Variants in JARID2 observed in about 807,000 individuals in gnomAD.
JARID2 encodes the protein jumonji and AT-rich interaction domain containing 2.
Under a neutral mutation model 125.6 loss-of-function variants are expected in JARID2, and 21 were observed. The observed-to-expected ratio is 0.17, with a 90% CI of 0.12 to 0.24. JARID2 has a LOEUF of 0.24. JARID2 is among the 10% of genes least tolerant of loss of function. The probability of loss-of-function intolerance (pLI) is 1.00; values close to 1 mark genes in which losing one functional copy is unlikely to be tolerated. For missense variants in JARID2, 1,303 were observed against 1,639.6 expected (o/e 0.79, Z 3.55); for synonymous variants, 736 against 661.6 (o/e 1.11, Z -1.73).
rs754115920 is a variant in JARID2, at chr6:15,513,290, C to T, written c.3318C>T (p.Ser1106=). The T allele has an allele frequency of 6.3e-7, 1 of 1,596,716 alleles. No homozygotes were observed. Among genetic ancestry groups the T allele is most frequent in the Non-Finnish European group, 8.5e-7 (1 of 1,172,996 alleles). The change falls in exon 16 of 18, where the codon TCC becomes TCT. Residue 1106 remains serine (S), a synonymous_variant. Coordinates refer to ENST00000341776, the MANE Select transcript of JARID2 (RefSeq NM_004973.4). ...AGCTGTTCGAGGCTGGCCTCCACTC[C>T]TCCGCACGCTATGGCAGCCACGATG... ...RRQLFEAGLH[S]SARYGSHDGS... is the part of the protein sequence containing the mutation.
intron 5 of JARID2, among the ~76,000 whole-genome samples, chr6:15,469,290 GTCTCTCTGTCTCTGTC>G (rs749196281): frequency 0.06 from 4,557 of 76,586 alleles, 177 homozygotes; most frequent in Middle Eastern, 0.16. Flanking sequence ...CTCTGTCTCT[GTCTCTCTGTCTCTGTC>G]TCTCTCTCTC....
At position 15,496,875 on chromosome 6, in the gene JARID2, G is replaced by T. The variant is rs770149890; in HGVS notation, c.1650G>T (p.Gly550=). Reference sequence around the variant, plus strand: ...CCGAGAAGGGCGGCGGCAAGGCCGGGTGGGCGGCCATGGACGAGATCCCCG... The same window carrying T: ...CCGAGAAGGGCGGCGGCAAGGCCGGTTGGGCGGCCATGGACGAGATCCCCG... ...GKAEKGGGKA[G]WAAMDEIPVL... The change falls in exon 7 of 18, where the codon GGG becomes GGT. Residue 550 remains glycine (G), a synonymous_variant. Transcript: ENST00000341776. The T allele has an allele frequency of 1.0e-5, 16 of 1,601,442 alleles. No homozygotes were observed. In the South Asian group the frequency reaches 1.8e-4, roughly 18 times the overall value.
At chr6:15,420,302 C>T (rs1405248784) in intron 3 of JARID2, among the ~76,000 whole-genome samples, 3 of 151,374 alleles carry the variant, frequency 2.0e-5, no homozygotes, top group African/African-American at 7.3e-5. Context: ...ACTCAGGAGG[C>T]TGAGGCAGGA....
intron 16 of JARID2, among the ~76,000 whole-genome samples, chr6:15,514,948 C>T (rs1024262456): frequency 3.9e-5 from 6 of 152,144 alleles, no homozygotes; most frequent in African/African-American, 1.2e-4. Context: ...CCATTTGGTT[C>T]TTAAAAGAAA....
chr6:15,499,666 G>A (rs1770636005), intron 7 of JARID2, among the ~76,000 whole-genome samples: 1 of 152,146 alleles, frequency 6.6e-6, no homozygotes, highest in Admixed American at 6.5e-5. Context: ...CTGGGAGTCT[G>A]TGAGACCTGG....
At chr6:15,454,999 G>C (rs1768092422) in intron 4 of JARID2, among the ~76,000 whole-genome samples, 1 of 152,070 alleles carries the variant, frequency 6.6e-6, no homozygotes, top group African/African-American at 2.4e-5. Context: ...GGATGTATTT[G>C]CCCTAAAGGA....
chr6:15,505,620 TACCTTTC>T (rs1561912568), intron 9 of JARID2, among the ~76,000 whole-genome samples: 2 of 152,254 alleles, frequency 1.3e-5, no homozygotes, highest in East Asian at 1.9e-4. Context: ...AATAGAGGTT[TACCTTTC>T]ACGCCATTTT....
chr6:15,270,134 G>A (rs183924179), intron 1 of JARID2, among the ~76,000 whole-genome samples: 10 of 152,180 alleles, frequency 6.6e-5, no homozygotes, highest in East Asian at 3.9e-4. Context: ...CCATCTGTCC[G>A]TCCGTCCTTC....
chr6:15,504,362 T>C, intron 8 of JARID2, 138 bp from the exon 9 acceptor site: 3 of 644,602 alleles, frequency 4.7e-6, no homozygotes, highest in Non-Finnish European at 8.4e-6. Flanking sequence ...CTTCTCTGCC[T>C]GTCATTAACT....
intron 1 of JARID2, among the ~76,000 whole-genome samples, chr6:15,310,257 A>C (rs2127425460): frequency 6.6e-6 from 1 of 152,354 alleles, no homozygotes; most frequent in Non-Finnish European, 1.5e-5. Flanking sequence ...GTTTTTATCA[A>C]AACCCTGCAG....
chr6:15,520,530 C>A lies in JARID2; in HGVS notation c.*279C>A. 22 of 354,728 alleles carry A rather than the reference C, an allele frequency of 6.2e-5. No homozygotes were observed. Among genetic ancestry groups the A allele is most frequent in the Non-Finnish European group, 7.9e-5 (15 of 190,384 alleles). The allele number at this position is 354,728 out of a possible 1,614,324, so 22.0% of individuals were successfully genotyped here. A position where few individuals can be genotyped will look rare whatever the true frequency, so the allele number is the denominator to read the frequency against. On this transcript the variant is annotated 3_prime_UTR_variant, in exon 18 of 18. Transcript: ENST00000341776. The stretch of plus-strand genomic sequence containing the variant: ...TTAATTTGTATTGCCCCATGGCTGA[C>A]AAAAGCCTTTTTTTTTGGTTTTGAT...
chr6:15,466,186 C>CTGGA (rs1266563984), intron 4 of JARID2, among the ~76,000 whole-genome samples: 4 of 152,168 alleles, frequency 2.6e-5, no homozygotes, highest in Non-Finnish European at 5.9e-5. Flanking sequence ...GAGAGGAAGG[C>CTGGA]TGGAGGGGTG....
intron 16 of JARID2, among the ~76,000 whole-genome samples, chr6:15,515,101 G>A (rs1771483806): frequency 6.6e-6 from 1 of 151,838 alleles, no homozygotes; most frequent in Non-Finnish European, 1.5e-5. Flanking sequence ...AGGATGGAAT[G>A]CGTGCTGTGA....
chr6:15,448,209 G>T (rs1767758312), intron 3 of JARID2, among the ~76,000 whole-genome samples: 1 of 152,134 alleles, frequency 6.6e-6, no homozygotes, highest in Non-Finnish European at 1.5e-5. Context: ...CCTCTAAGGG[G>T]TAATTTATTT....
At chr6:15,436,236 A>G (rs562150117) in intron 3 of JARID2, among the ~76,000 whole-genome samples, 11 of 152,328 alleles carry the variant, frequency 7.2e-5, no homozygotes, top group Admixed American at 2.0e-4. Context: ...GAATCGGATC[A>G]CACGTGGGCT....
At position 15,358,068 on chromosome 6, in the gene JARID2, C is replaced by T. The variant is rs147114523; in HGVS notation, c.46-16049C>T. Among the ~76,000 whole-genome samples the T allele has an allele frequency of 1.9e-3, 294 of 152,058 alleles. 1 individual carries two copies. The highest frequency in any genetic ancestry group is 6.6e-3 in the African/African-American group (274 of 41,478). ...GAGCATTTTATTTTGGCCTCTGGGG[C>T]GTGTCTGCTGTGTTTCTTTGTGTGG... is the stretch of plus-strand genomic sequence containing the variant. On this transcript the variant is annotated intron_variant, in intron 1 of 17. Coordinates refer to ENST00000341776, the MANE Select transcript of JARID2 (RefSeq NM_004973.4).
chr6:15,494,413 C>CTTTTTTTTTTTTTTTTTTTT, intron 6 of JARID2, among the ~76,000 whole-genome samples: 1 of 80,596 alleles, frequency 1.2e-5, no homozygotes, highest in Non-Finnish European at 2.2e-5. Context: ...TTTGGCAAGT[C>CTTTTTTTTTTTTTTTTTTTT]TTTTTTTTTT....
At chr6:15,255,829 A>T (rs145948913) in intron 1 of JARID2, among the ~76,000 whole-genome samples, 2 of 152,288 alleles carry the variant, frequency 1.3e-5, no homozygotes, top group African/African-American at 2.4e-5. Flanking sequence ...TGCTTTGTGT[A>T]TATGCCTTAT....
At chr6:15,396,265 T>C (rs994373228) in intron 2 of JARID2, among the ~76,000 whole-genome samples, 19 of 152,208 alleles carry the variant, frequency 1.2e-4, no homozygotes, top group African/African-American at 4.1e-4. Flanking sequence ...TACATGTAGG[T>C]AGCCCTGTAT....
Sources: gnomAD v4.1 joint callset for allele counts (sites outside exome capture counted in the v4.1 genomes callset) on GRCh38, gnomAD v4.1.1 for gene constraint, MANE v1.5 for transcripts, NCBI Gene and HGNC (gene_info 2026-07-23, HGNC 2026-07-21) for gene names.